The following NR1I2 variants were observed in gnomAD, a reference collection of about 807,000 sequenced individuals.
NR1I2 encodes orphan nuclear receptor PAR1.
In NR1I2, 42 loss-of-function variants were observed where a neutral mutation model predicts 43.3. The ratio of observed to expected loss-of-function variants is 0.97; its 90% confidence interval spans 0.76 to 1.26. NR1I2 has a LOEUF of 1.26. NR1I2 is among the 50% of genes most tolerant of loss of function. The pLI, the probability that NR1I2 is intolerant of heterozygous loss-of-function variation, is 0.00. For missense variants in NR1I2, 559 were observed against 566.7 expected (o/e 0.99, Z 0.14); for synonymous variants, 229 against 215.0 (o/e 1.06, Z -0.57).
chr3:119,804,394 A>G (rs1277149859), intron 1 of NR1I2, among the ~76,000 whole-genome samples: 1 of 148,802 alleles, frequency 6.7e-6, no homozygotes, highest in African/African-American at 2.5e-5. Context: ...ATATATACAT[A>G]TATATTTACA....
chr3:119,793,516 C>T (rs925411153), intron 1 of NR1I2, among the ~76,000 whole-genome samples: 8 of 152,250 alleles, frequency 5.3e-5, no homozygotes, highest in Non-Finnish European at 7.3e-5. Flanking sequence ...CCTCTTCCAG[C>T]TTCTAGATGC....
At chr3:119,783,694 A>C (rs1277250303) in intron 1 of NR1I2, among the ~76,000 whole-genome samples, 1 of 152,228 alleles carries the variant, frequency 6.6e-6, no homozygotes, top group East Asian at 1.9e-4. Flanking sequence ...AGTATAGATA[A>C]ACCTAAATTC....
chr3:119,817,349 C>T lies in NR1I2; in HGVS notation c.*137C>T. On this transcript the variant is annotated 3_prime_UTR_variant, in exon 9 of 9. Transcript: ENST00000393716. ...GGCCTGTCTCCCTAGGGAATTCCTG[C>T]TATGACAGCTGGCTAGCATTCCTCA... The T allele has an allele frequency of 2.6e-6, 4 of 1,547,834 alleles. No homozygotes were observed. Among genetic ancestry groups the T allele is most frequent in the South Asian group, 1.2e-5 (1 of 85,382 alleles).
chr3:119,798,189 C>G (rs926221793), intron 1 of NR1I2, among the ~76,000 whole-genome samples: 1 of 152,100 alleles, frequency 6.6e-6, no homozygotes, highest in African/African-American at 2.4e-5. Context: ...GTGTCTCTTA[C>G]GCCCTGTTCT....
intron 2 of NR1I2, among the ~76,000 whole-genome samples, chr3:119,809,565 G>GT (rs2055207976): frequency 1.7e-5 from 2 of 120,202 alleles, no homozygotes. Flanking sequence ...AGGCGGGGGG[G>GT]AAGGCGGGGG....
chr3:119,792,087 A>G, intron 1 of NR1I2: 1 of 754,686 alleles, frequency 1.3e-6, no homozygotes, highest in East Asian at 2.5e-5. Context: ...GAATGTCAAT[A>G]TCATTCCGTG....
intron 1 of NR1I2, among the ~76,000 whole-genome samples, chr3:119,793,730 C>G (rs1320397907): frequency 1.3e-5 from 2 of 152,200 alleles, no homozygotes; most frequent in East Asian, 3.8e-4. Flanking sequence ...ATCACATCTG[C>G]AGAGACCCTT....
At chr3:119,809,080 C>T (rs2055198438) in intron 2 of NR1I2, among the ~76,000 whole-genome samples, 1 of 152,210 alleles carries the variant, frequency 6.6e-6, no homozygotes, top group South Asian at 2.1e-4. Flanking sequence ...CAGGCCTGCC[C>T]TCGGGGACCT....
At chr3:119,800,715 A>G (rs1340291519) in intron 1 of NR1I2, among the ~76,000 whole-genome samples, 1 of 152,178 alleles carries the variant, frequency 6.6e-6, no homozygotes, top group Non-Finnish European at 1.5e-5. Context: ...GAGTGGCAGT[A>G]AGGTTCCTCG....
At chr3:119,810,288 C>T (rs1166205019) in intron 3 of NR1I2, 94 bp downstream of exon 3, 16 of 1,496,558 alleles carry the variant, frequency 1.1e-5, no homozygotes, top group Non-Finnish European at 1.3e-5. Context: ...TGGAGATGCG[C>T]GCCGAGTGTG....
rs77140831 is a variant in NR1I2, at chr3:119,800,674, G to A, written c.-22-6555G>A. On this transcript the variant is annotated intron_variant, in intron 1 of 8. Coordinates refer to ENST00000393716, the MANE Select transcript of NR1I2 (RefSeq NM_003889.4). The stretch of plus-strand genomic sequence containing the variant: ...CTCCTGGGCTCAAGCCCTTCAGAGC[G>A]TATAGGACAAGATGCCTCTGGATGT... Among the ~76,000 whole-genome samples, 1,129 of 152,270 alleles carry A rather than the reference G, an allele frequency of 7.4e-3. 5 individuals are homozygous for A. Among genetic ancestry groups the A allele is most frequent in the Non-Finnish European group, 0.012 (815 of 68,028 alleles).
At position 119,817,737 on chromosome 3, in the gene NR1I2, A is replaced by C. The variant is rs1369003907; in HGVS notation, c.*525A>C. 7 of 1,031,366 alleles carry C rather than the reference A, an allele frequency of 6.8e-6. No homozygotes were observed. The highest frequency in any genetic ancestry group is 8.2e-6 in the Non-Finnish European group (7 of 856,786). The allele number at this position is 1,031,366 out of a possible 1,614,324, so 63.9% of individuals were successfully genotyped here. A position where few individuals can be genotyped will look rare whatever the true frequency, so the allele number is the denominator to read the frequency against. ...CAGGCCTGTACTCATCGGCAGGCGC[A>C]TGAGTATCTGTGGGAGTCCTCTAGA... On this transcript the variant is annotated 3_prime_UTR_variant, in exon 9 of 9. Transcript: ENST00000393716.
At chr3:119,799,902 C>A (rs1209462905) in intron 1 of NR1I2, among the ~76,000 whole-genome samples, 1 of 152,172 alleles carries the variant, frequency 6.6e-6, no homozygotes, top group African/African-American at 2.4e-5. Context: ...ATCGCTTGAA[C>A]CTGGGAGGCA....
chr3:119,782,852 A>G, intron 1 of NR1I2: 1 of 1,613,418 alleles, frequency 6.2e-7, no homozygotes, highest in Non-Finnish European at 8.5e-7. Context: ...GCTTCAAACC[A>G]GTGAGTTTTC....
At chr3:119,783,048 T>C (rs182583448) in intron 1 of NR1I2, among the ~76,000 whole-genome samples, 27 of 152,178 alleles carry the variant, frequency 1.8e-4, no homozygotes, top group Admixed American at 1.7e-3. Context: ...GGCCACTGAG[T>C]CTTGACTCAA....
At chr3:119,785,531 A>G (rs2054832138) in intron 1 of NR1I2, among the ~76,000 whole-genome samples, 1 of 152,178 alleles carries the variant, frequency 6.6e-6, no homozygotes, top group Non-Finnish European at 1.5e-5. Context: ...GTCTCCCTCC[A>G]TGGTTTCTAC....
chr3:119,807,427 A>C lies in NR1I2; in HGVS notation c.177A>C (p.Glu59Asp), dbSNP rs747878625. The C allele has an allele frequency of 1.2e-6, 2 of 1,613,834 alleles. No individual in the cohort carries two copies. The highest frequency in any genetic ancestry group is 2.7e-5 in the African/African-American group (2 of 74,938). Residue 59 changes from glutamate (E) to aspartate (D), a missense_variant, in exon 2 of 9, where the codon GAA becomes GAC. Transcript: ENST00000393716. ...ATCACTTCAATGTCATGACATGTGA[A>C]GGATGCAAGGGCTTTTTCAGGTAGA... is the stretch of plus-strand genomic sequence containing the variant.
intron 5 of NR1I2, among the ~76,000 whole-genome samples, chr3:119,813,796 A>G (rs1370371489): frequency 6.6e-6 from 1 of 152,172 alleles, no homozygotes; most frequent in Non-Finnish European, 1.5e-5. Context: ...GGAGAGAAGA[A>G]TACTTATAAA....
intron 3 of NR1I2, chr3:119,811,220 A>C (rs995689681): frequency 3.7e-6 from 1 of 270,264 alleles, no homozygotes; most frequent in African/African-American, 2.2e-5. Context: ...CACAGGTAGT[A>C]AGTGGCAAAG....
Sources: allele counts gnomAD v4.1 joint callset (sites outside exome capture counted in the v4.1 genomes callset), GRCh38; gene constraint gnomAD v4.1.1; transcripts MANE v1.5; gene names NCBI Gene and HGNC (gene_info 2026-07-23, HGNC 2026-07-21).